COL25A1: variants seen among roughly 807,000 people sequenced by gnomAD.
COL25A1 encodes the protein collagen alpha-1(XXV) chain.
COL25A1 carries 103 observed loss-of-function variants against 128.4 expected under a neutral mutation model. The observed-to-expected ratio is 0.80, with a 90% CI of 0.68 to 0.94. The LOEUF (loss-of-function observed/expected upper bound fraction) is 0.94. Among genes scored for constraint, COL25A1 ranks in the 40% least tolerant of loss-of-function variants. COL25A1 has a pLI of 0.00. For missense variants in COL25A1, 745 were observed against 840.0 expected, an observed-to-expected ratio of 0.89 and a Z score of 1.40; for synonymous variants, 279 against 277.2, an observed-to-expected ratio of 1.01 and a Z score of -0.06.
rs538761346 is a variant in COL25A1 at position 108,918,262 on chromosome 4, A to G, written c.736-46T>C. On this transcript the variant is annotated intron_variant, in intron 12 of 37. Transcript: ENST00000399132. ...ATTCAGTTGATATCATACACAAAATATTTCAATTCTAAATTTATATTGTAT... is the reference window on the plus strand; with the variant it reads ...ATTCAGTTGATATCATACACAAAATGTTTCAATTCTAAATTTATATTGTAT... 30 of 1,343,404 alleles carry G rather than the reference A, an allele frequency of 2.2e-5. 2 individuals carry two copies. In the South Asian group the frequency reaches 4.1e-4, roughly 18 times the overall value. 83.2% of individuals were successfully genotyped at this position (1,343,404 alleles called of 1,614,324 possible). A position where few individuals can be genotyped will look rare whatever the true frequency, so the allele number is the denominator to read the frequency against.
chr4:108,875,601 T>C (rs1001570313), intron 19 of COL25A1, among the ~76,000 whole-genome samples: 1 of 152,190 alleles, frequency 6.6e-6, no homozygotes, highest in Non-Finnish European at 1.5e-5. Flanking sequence ...GGAATGCTTT[T>C]ACACTGTTGG....
chr4:108,918,893 A>G (rs1168870487), intron 12 of COL25A1, among the ~76,000 whole-genome samples: 1 of 152,228 alleles, frequency 6.6e-6, no homozygotes, highest in Non-Finnish European at 1.5e-5. Flanking sequence ...GAATGATTGG[A>G]CATAGATGGG....
chr4:109,030,065 T>C (rs1192377303), intron 5 of COL25A1, among the ~76,000 whole-genome samples: 2 of 152,114 alleles, frequency 1.3e-5, no homozygotes, highest in South Asian at 2.1e-4. Flanking sequence ...GGATCCTCTA[T>C]CCTTTACTTC....
chr4:109,098,503 T>C (rs1337526200), intron 3 of COL25A1, among the ~76,000 whole-genome samples: 3 of 151,406 alleles, frequency 2.0e-5, no homozygotes, highest in Non-Finnish European at 4.4e-5. Flanking sequence ...GCCTGTGTTG[T>C]AGATGCAGTT....
intron 5 of COL25A1, among the ~76,000 whole-genome samples, chr4:109,038,663 G>A (rs1460919347): frequency 6.6e-6 from 1 of 152,208 alleles, no homozygotes; most frequent in African/African-American, 2.4e-5. Flanking sequence ...TGGATACAAT[G>A]AGAAGAGTTT....
At chr4:108,928,175 A>C (rs1253106849) in intron 11 of COL25A1, among the ~76,000 whole-genome samples, 1 of 152,218 alleles carries the variant, frequency 6.6e-6, no homozygotes, top group African/African-American at 2.4e-5. Context: ...ACCCTACACT[A>C]CACTCAGTAA....
At chr4:109,159,424 G>A (rs1005440493) in intron 3 of COL25A1, among the ~76,000 whole-genome samples, 1 of 151,974 alleles carries the variant, frequency 6.6e-6, no homozygotes, top group Non-Finnish European at 1.5e-5. Context: ...CTTCACTACT[G>A]GAGACACGTA....
chr4:109,235,407 G>A (rs975196915), intron 3 of COL25A1, among the ~76,000 whole-genome samples: 1 of 152,018 alleles, frequency 6.6e-6, no homozygotes, highest in Non-Finnish European at 1.5e-5. Flanking sequence ...CCTATCCAGG[G>A]AAGATCTGAG....
At chr4:108,949,176 T>G (rs575404283) in intron 8 of COL25A1, among the ~76,000 whole-genome samples, 2 of 152,238 alleles carry the variant, frequency 1.3e-5, no homozygotes, top group Non-Finnish European at 2.9e-5. Context: ...TTGATTTTAT[T>G]TATATACACT....
At chr4:108,879,425 A>T (rs147859535) in intron 19 of COL25A1, among the ~76,000 whole-genome samples, 4 of 152,038 alleles carry the variant, frequency 2.6e-5, no homozygotes, top group African/African-American at 9.7e-5. Flanking sequence ...ATGGTGAAAT[A>T]AACTGATGGT....
rs144337467 is a variant in COL25A1 at position 108,825,106 on chromosome 4, GA to G, written c.1791+89del. The G allele has an allele frequency of 4.2e-3, 4,537 of 1,070,594 alleles. 24 individuals are homozygous for G. The highest frequency in any genetic ancestry group is 5.1e-3 in the Non-Finnish European group (3,519 of 696,114). 66.3% of individuals were successfully genotyped at this position (1,070,594 alleles called of 1,614,324 possible). The stretch of plus-strand genomic sequence containing the variant: ...TGTTCTATGCATACCTATATGCACA[GA>G]AAAAAAAGAAGTATTCTTTTTGTTA... On this transcript the variant is annotated intron_variant, in intron 34 of 37. Transcript: ENST00000399132.
intron 3 of COL25A1, among the ~76,000 whole-genome samples, chr4:109,195,132 T>C (rs560448224): frequency 6.6e-6 from 1 of 152,222 alleles, no homozygotes; most frequent in Non-Finnish European, 1.5e-5. Context: ...AATATTAAAA[T>C]AGACAAAAAC....
chr4:109,269,056 A>G (rs1466678712), intron 3 of COL25A1, among the ~76,000 whole-genome samples: 1 of 147,404 alleles, frequency 6.8e-6, no homozygotes, highest in African/African-American at 2.5e-5. Context: ...AGCATTAGGT[A>G]TATCTCCCAA....
At chr4:109,277,892 T>C (rs1452971765) in intron 3 of COL25A1, among the ~76,000 whole-genome samples, 1 of 152,112 alleles carries the variant, frequency 6.6e-6, no homozygotes, top group Non-Finnish European at 1.5e-5. Flanking sequence ...TCCCAGCACT[T>C]TGGGAGGCCG....
intron 24 of COL25A1, among the ~76,000 whole-genome samples, chr4:108,857,982 G>T (rs1325713626): frequency 6.6e-6 from 1 of 152,112 alleles, no homozygotes; most frequent in Non-Finnish European, 1.5e-5. Flanking sequence ...CTGAGTGGCA[G>T]CAGTGGATTG....
At chr4:109,145,596 T>C (rs888692197) in intron 3 of COL25A1, among the ~76,000 whole-genome samples, 3 of 152,184 alleles carry the variant, frequency 2.0e-5, no homozygotes, top group African/African-American at 7.2e-5. Flanking sequence ...CCCAACACTT[T>C]GGGAGGCTGA....
intron 3 of COL25A1, among the ~76,000 whole-genome samples, chr4:109,096,129 G>A (rs1253291755): frequency 6.6e-6 from 1 of 152,162 alleles, no homozygotes; most frequent in Non-Finnish European, 1.5e-5. Flanking sequence ...TTTAATGCAT[G>A]TTTTCTTCAT....
At chr4:108,939,926 T>C (rs1368152043) in intron 10 of COL25A1, among the ~76,000 whole-genome samples, 2 of 152,212 alleles carry the variant, frequency 1.3e-5, no homozygotes, top group African/African-American at 4.8e-5. Flanking sequence ...ATTATTTCTA[T>C]GAATAAGCCT....
intron 3 of COL25A1, among the ~76,000 whole-genome samples, chr4:109,149,154 C>A (rs890264355): frequency 6.6e-6 from 1 of 152,082 alleles, no homozygotes; most frequent in Non-Finnish European, 1.5e-5. Context: ...TCCAACAAAG[C>A]GTTTGTATTA....
Sources: gnomAD v4.1 joint callset for allele counts (sites outside exome capture counted in the v4.1 genomes callset) on GRCh38, gnomAD v4.1.1 for gene constraint, MANE v1.5 for transcripts, NCBI Gene and HGNC (gene_info 2026-07-23, HGNC 2026-07-21) for gene names.